Variants in PPM1H observed in about 807,000 individuals in gnomAD.
PPM1H encodes protein phosphatase 1H.
A neutral mutation model predicts 54.9 loss-of-function variants in PPM1H; 27 were observed. The ratio of observed to expected loss-of-function variants is 0.49; its 90% CI spans 0.36 to 0.68. The LOEUF (loss-of-function observed/expected upper bound fraction) is 0.68. PPM1H is among the 30% of genes least tolerant of loss of function. The pLI, the probability that PPM1H is intolerant of heterozygous loss-of-function variation, is 0.00. For synonymous variants in PPM1H, 305 were observed against 270.8 expected, an observed-to-expected ratio of 1.13 and a Z score of -1.24; for missense variants, 596 against 667.8, an observed-to-expected ratio of 0.89 and a Z score of 1.19.
chr12:62,804,173 A>G (rs2076790130), intron 2 of PPM1H, among the ~76,000 whole-genome samples: 1 of 152,186 alleles, frequency 6.6e-6, no homozygotes, highest in Non-Finnish European at 1.5e-5. Flanking sequence ...ATAGGCAAGA[A>G]AAAAGAAAAG....
At chr12:62,668,602 C>T (rs544429509) in intron 8 of PPM1H, among the ~76,000 whole-genome samples, 1 of 152,180 alleles carries the variant, frequency 6.6e-6, no homozygotes, top group African/African-American at 2.4e-5. Context: ...GTCTGGAACC[C>T]CTGGCTTCAA....
At chr12:62,921,508 A>G (rs542810594) in intron 1 of PPM1H, among the ~76,000 whole-genome samples, 1 of 152,320 alleles carries the variant, frequency 6.6e-6, no homozygotes, top group East Asian at 1.9e-4. Flanking sequence ...GTAGATGCAC[A>G]CACTCAAGAT....
chr12:62,920,301 T>A (rs1345195632), intron 1 of PPM1H, among the ~76,000 whole-genome samples: 1 of 152,162 alleles, frequency 6.6e-6, no homozygotes, highest in African/African-American at 2.4e-5. Context: ...TCCTCTTTTA[T>A]GTTACAAAAA....
chr12:62,845,419 T>C (rs1385777486), intron 1 of PPM1H, among the ~76,000 whole-genome samples: 4 of 152,224 alleles, frequency 2.6e-5, no homozygotes, highest in African/African-American at 9.6e-5. Context: ...TCTATACTTC[T>C]TTCAGAGCTA....
At chr12:62,720,145 C>T (rs1321462626) in intron 6 of PPM1H, 26 bp downstream of exon 6, 11 of 1,537,786 alleles carry the variant, frequency 7.2e-6, no homozygotes, top group East Asian at 4.5e-5. Flanking sequence ...TGTGTGGTTC[C>T]GAGGCAGAGG....
At chr12:62,916,451 TTAAGTCTA>T (rs1261219707) in intron 1 of PPM1H, among the ~76,000 whole-genome samples, 8 of 152,198 alleles carry the variant, frequency 5.3e-5, no homozygotes, top group African/African-American at 1.9e-4. Flanking sequence ...TGGTTCATCT[TTAAGTCTA>T]TAAGTACCTA....
chr12:62,693,533 G>A (rs1029818996), intron 7 of PPM1H, among the ~76,000 whole-genome samples: 1 of 152,332 alleles, frequency 6.6e-6, no homozygotes, highest in East Asian at 1.9e-4. Context: ...TGCCTGAGCT[G>A]TTTTAACCTC....
rs1271316159 is a variant in PPM1H, at chr12:62,647,939, C to T, written c.*550G>A. 1.3e-5 allele frequency: 2 copies of T among 150,526 alleles called. No individual in the cohort carries two copies. Among genetic ancestry groups the T allele is most frequent in the Admixed American group, 1.3e-4 (2 of 15,140 alleles). 9.3% of individuals were successfully genotyped at this position (150,526 alleles called of 1,614,324 possible). ...AAAAAAAAAAAATCCCTGCCTCACT[C>T]CACCACTGCCATAAAAGAATAGAAA... On this transcript the variant is annotated 3_prime_UTR_variant, in exon 10 of 10. Transcript: ENST00000228705.
At chr12:62,925,372 A>T (rs773591456) in intron 1 of PPM1H, among the ~76,000 whole-genome samples, 5 of 152,128 alleles carry the variant, frequency 3.3e-5, no homozygotes, top group Admixed American at 6.5e-5. Flanking sequence ...TGAGGCCAGG[A>T]GTTCAAGACC....
chr12:62,664,642 C>G (rs893682327), intron 9 of PPM1H, among the ~76,000 whole-genome samples: 2 of 152,150 alleles, frequency 1.3e-5, no homozygotes, highest in African/African-American at 4.8e-5. Context: ...ATTCTTATTA[C>G]TGTTTTATAT....
chr12:62,779,596 G>A (rs1213468932), intron 4 of PPM1H, among the ~76,000 whole-genome samples: 1 of 152,218 alleles, frequency 6.6e-6, no homozygotes, highest in Non-Finnish European at 1.5e-5. Context: ...ATCCTCACCT[G>A]AGGAGTGAGT....
intron 4 of PPM1H, among the ~76,000 whole-genome samples, chr12:62,759,549 C>T (rs1194550170): frequency 6.6e-6 from 1 of 152,206 alleles, no homozygotes; most frequent in Non-Finnish European, 1.5e-5. Flanking sequence ...GGGAAGACAG[C>T]CTTCCCTTGG....
chr12:62,682,062 G>A (rs551976057), intron 8 of PPM1H, among the ~76,000 whole-genome samples: 116 of 152,342 alleles, frequency 7.6e-4, no homozygotes, highest in African/African-American at 2.6e-3. Flanking sequence ...TTGAAGTCAA[G>A]ACTGATTACC....
At chr12:62,790,236 A>G (rs2076695058) in intron 3 of PPM1H, among the ~76,000 whole-genome samples, 1 of 152,214 alleles carries the variant, frequency 6.6e-6, no homozygotes, top group Non-Finnish European at 1.5e-5. Flanking sequence ...CACCAATGGG[A>G]AACTGGAAAC....
At chr12:62,706,532 G>A (rs1851783689) in intron 6 of PPM1H, among the ~76,000 whole-genome samples, 1 of 152,184 alleles carries the variant, frequency 6.6e-6, no homozygotes, top group African/African-American at 2.4e-5. Context: ...CAATCTTTTT[G>A]TTCCAGGCAC....
chr12:62,915,812 G>C (rs894551100), intron 1 of PPM1H, among the ~76,000 whole-genome samples: 1 of 152,258 alleles, frequency 6.6e-6, no homozygotes, highest in South Asian at 2.1e-4. Context: ...GGTGGTTCAG[G>C]CTCCACGTGG....
chr12:62,664,387 G>A (rs2075904681), intron 9 of PPM1H, among the ~76,000 whole-genome samples: 1 of 152,146 alleles, frequency 6.6e-6, no homozygotes, highest in South Asian at 2.1e-4. Context: ...TGATTCATAA[G>A]TTGTTTAGAA....
At chr12:62,883,311 G>A (rs144814704) in intron 1 of PPM1H, among the ~76,000 whole-genome samples, 27 of 152,174 alleles carry the variant, frequency 1.8e-4, no homozygotes, top group Admixed American at 4.6e-4. Context: ...GCAGGAACTC[G>A]GGACTCCCAG....
intron 2 of PPM1H, among the ~76,000 whole-genome samples, chr12:62,807,852 T>G (rs2076813957): frequency 6.6e-6 from 1 of 152,170 alleles, no homozygotes; most frequent in Admixed American, 6.5e-5. Context: ...CATCACTTAT[T>G]TATGAGACAA....
Sources: gnomAD v4.1 joint callset for allele counts (sites outside exome capture counted in the v4.1 genomes callset) on GRCh38, gnomAD v4.1.1 for gene constraint, MANE v1.5 for transcripts, NCBI Gene and HGNC (gene_info 2026-07-23, HGNC 2026-07-21) for gene names.